Variants in COL28A1 observed in about 807,000 individuals in gnomAD.
The protein encoded by COL28A1 is collagen type XXVIII alpha 1 chain.
COL28A1 carries 161 observed loss-of-function variants against 150.2 expected under a neutral mutation model. The ratio of observed to expected loss-of-function variants is 1.07; its 90% CI spans 0.94 to 1.22. The LOEUF (loss-of-function observed/expected upper bound fraction) is 1.22. COL28A1 is among the 50% of genes most tolerant of loss of function. COL28A1 has a pLI of 0.00. For synonymous variants in COL28A1, 552 were observed against 469.7 expected (o/e 1.18, Z -2.26); for missense variants, 1,617 against 1,388.3 (o/e 1.16, Z -2.62).
rs79064057 is a variant in COL28A1 at position 7,381,400 on chromosome 7, C to T, written c.2205+144G>A. 1,236 of 644,776 alleles carry T rather than the reference C, an allele frequency of 1.9e-3. 10 individuals are homozygous for T. The highest frequency in any genetic ancestry group is 0.018 in the African/African-American group (977 of 54,650). The allele number at this position is 644,776 out of a possible 1,614,324, so 39.9% of individuals were successfully genotyped here. A position where few individuals can be genotyped will look rare whatever the true frequency, so the allele number is the denominator to read the frequency against. On this transcript the variant is annotated intron_variant, in intron 28 of 34. Coordinates refer to ENST00000399429, the MANE Select transcript of COL28A1 (RefSeq NM_001037763.3). Reference sequence around the variant, plus strand: ...ATTTATAGGTAGACAAAGCAATGCACGAGGATTTTATTTTGAGTGGATTGT... The same window carrying T: ...ATTTATAGGTAGACAAAGCAATGCATGAGGATTTTATTTTGAGTGGATTGT...
Position 7,436,474 on chromosome 7 carries a change from C to T in COL28A1, c.1792-11G>A, listed in dbSNP as rs765034405. The T allele has an allele frequency of 8.2e-7, 1 of 1,218,414 alleles. No individual in the cohort carries two copies. The highest frequency in any genetic ancestry group is 1.7e-5 in the Admixed American group (1 of 59,434). 75.5% of individuals were successfully genotyped at this position (1,218,414 alleles called of 1,614,324 possible). Reference sequence around the variant, plus strand: ...TCCTCCTCTATCTCCCTGTACATTTCAAATAACATTTCACAGGCTACAGTT... The same window carrying T: ...TCCTCCTCTATCTCCCTGTACATTTTAAATAACATTTCACAGGCTACAGTT... On this transcript the variant is annotated splice_polypyrimidine_tract_variant and intron_variant, in intron 22 of 34. Transcript: ENST00000399429.
At chr7:7,514,162 A>T (rs1314943042) in intron 8 of COL28A1, among the ~76,000 whole-genome samples, 1 of 149,916 alleles carries the variant, frequency 6.7e-6, no homozygotes, top group Non-Finnish European at 1.5e-5. Context: ...CTCACTATAT[A>T]AATCAAAATG....
chr7:7,373,084 T>TTA lies in COL28A1; in HGVS notation c.2821_2822insTA (p.Asn941IlefsTer10). ...CATTTCTTTGTGGAATATTTCAAAG[T>TTA]TGGGATCATTTTTCTTCACCACCCC... On this transcript the variant is annotated frameshift_variant, in exon 32 of 35. Coordinates refer to ENST00000399429, the MANE Select transcript of COL28A1 (RefSeq NM_001037763.3). LOFTEE classifies it high-confidence loss of function. This position sits in a 1 kb window ranked among gnomAD's most constrained non-coding sequence, Gnocchi z 4.1. 6.2e-7 allele frequency: 1 copy of TTA among 1,614,118 alleles called. No homozygotes were observed.
Position 7,358,760 on chromosome 7 carries a change from T to C in COL28A1, c.3251A>G (p.Tyr1084Cys). 1.2e-6 allele frequency: 2 copies of C among 1,613,978 alleles called. No homozygotes were observed. The highest frequency in any genetic ancestry group is 1.7e-6 in the Non-Finnish European group (2 of 1,179,932). The change falls in exon 35 of 35, where the codon TAT becomes TGT. Residue 1084 changes from tyrosine (Y) to cysteine (C), a missense_variant. Tyr to Cys is a radical substitution (Grantham distance 194). Coordinates refer to ENST00000399429, the MANE Select transcript of COL28A1 (RefSeq NM_001037763.3). ...TTTGTCATAATACCATCGAACCACA[T>C]ATTCACCACAGTTTCCAGGCTTCAA... Reference protein sequence around the residue: ...EALKPGNCGEYVVRWYYDKQV... With the variant: ...EALKPGNCGECVVRWYYDKQV...
intron 8 of COL28A1, among the ~76,000 whole-genome samples, chr7:7,514,773 C>T (rs912419846): frequency 6.6e-6 from 1 of 152,200 alleles, no homozygotes; most frequent in African/African-American, 2.4e-5. Flanking sequence ...ACCTCCAACT[C>T]CTTCCACAGC....
At chr7:7,528,138 T>C (rs1443371482) in intron 3 of COL28A1, among the ~76,000 whole-genome samples, 1 of 152,132 alleles carries the variant, frequency 6.6e-6, no homozygotes, top group Non-Finnish European at 1.5e-5. Flanking sequence ...TTAAAAATCG[T>C]TCAGAAAAAA....
Position 7,372,956 on chromosome 7 carries a change from C to A in COL28A1, c.2908+42G>T, listed in dbSNP as rs545691658. On this transcript the variant is annotated intron_variant, in intron 32 of 34. Transcript: ENST00000399429. ...ACCAGTGATATGGTACTTAGAGGAA[C>A]AACATAAATGCCTTTCCCCTGGGCC... The A allele has an allele frequency of 3.2e-6, 5 of 1,542,868 alleles. No homozygotes were observed. In the African/African-American group the frequency reaches 4.1e-5, roughly 13 times the overall value.
At chr7:7,465,130 G>A (rs559234684) in intron 15 of COL28A1, among the ~76,000 whole-genome samples, 3 of 150,804 alleles carry the variant, frequency 2.0e-5, no homozygotes, top group Non-Finnish European at 4.5e-5. Flanking sequence ...GAACAGCTCC[G>A]GTCTACAGCT....
intron 15 of COL28A1, among the ~76,000 whole-genome samples, chr7:7,471,204 T>C (rs1788398376): frequency 7.2e-6 from 1 of 138,754 alleles, no homozygotes; most frequent in Non-Finnish European, 1.6e-5. Flanking sequence ...AACAGACCAA[T>C]AACAAGCAGT....
intron 26 of COL28A1, among the ~76,000 whole-genome samples, chr7:7,419,681 C>T (rs909896848): frequency 6.6e-6 from 1 of 152,166 alleles, no homozygotes; most frequent in African/African-American, 2.4e-5. Context: ...TTGCTCATTT[C>T]TTTTGGGGGA....
chr7:7,387,629 G>A (rs1032619361), intron 27 of COL28A1, among the ~76,000 whole-genome samples: 6 of 151,756 alleles, frequency 4.0e-5, no homozygotes, highest in Non-Finnish European at 8.8e-5. Context: ...TAGCAAATGT[G>A]GTAATATTAA....
intron 33 of COL28A1, among the ~76,000 whole-genome samples, chr7:7,366,365 G>C (rs1380911230): frequency 6.6e-6 from 1 of 152,166 alleles, no homozygotes; most frequent in African/African-American, 2.4e-5. Context: ...TTGGAGTCAA[G>C]AGAATAGTCC....
intron 1 of COL28A1, among the ~76,000 whole-genome samples, chr7:7,534,806 A>G (rs1448689176): frequency 1.3e-5 from 2 of 152,070 alleles, no homozygotes; most frequent in Non-Finnish European, 2.9e-5. Flanking sequence ...CAATAATCCC[A>G]GTATCTCATA....
At chr7:7,527,414 A>C (rs994322455) in intron 3 of COL28A1, among the ~76,000 whole-genome samples, 7 of 152,250 alleles carry the variant, frequency 4.6e-5, no homozygotes, top group African/African-American at 1.7e-4. Flanking sequence ...ATGCTGTCCT[A>C]TATGTCAAAG....
Position 7,500,120 on chromosome 7 carries a change from G to A in COL28A1, c.1026+5894C>T, listed in dbSNP as rs565526748. 2.7e-4 allele frequency among the ~76,000 whole-genome samples: 41 copies of A among 152,210 alleles called. 1 individual carries two copies. In the South Asian group the frequency reaches 7.7e-3, roughly 28 times the overall value. On this transcript the variant is annotated intron_variant, in intron 11 of 34. Coordinates refer to ENST00000399429, the MANE Select transcript of COL28A1 (RefSeq NM_001037763.3). ...TGTTAGAAGAATGGTCAATGTTCCC[G>A]ACTGTTACATCCTTCTCTCTGGTTT...
rs1039220126 is a variant in COL28A1 at position 7,455,666 on chromosome 7, T to C, written c.1371+378A>G. On this transcript the variant is annotated intron_variant, in intron 16 of 34. Coordinates refer to ENST00000399429, the MANE Select transcript of COL28A1 (RefSeq NM_001037763.3). ...GGTAGGGGGATACCACTCTACTCCATTGGGAGAGAGTGGGATTTAATTTTC... is the reference window on the plus strand; with the variant it reads ...GGTAGGGGGATACCACTCTACTCCACTGGGAGAGAGTGGGATTTAATTTTC... 9.5e-4 allele frequency among the ~76,000 whole-genome samples: 145 copies of C among 152,242 alleles called. 1 individual carries two copies. Among genetic ancestry groups the C allele is most frequent in the African/African-American group, 3.2e-3 (134 of 41,536 alleles).
chr7:7,373,027 TA>T lies in COL28A1; in HGVS notation c.2878del (p.Tyr960ThrfsTer13). The T allele has an allele frequency of 6.2e-7, 1 of 1,614,056 alleles. No homozygotes were observed. Among genetic ancestry groups the T allele is most frequent in the African/African-American group, 1.3e-5 (1 of 75,032 alleles). ...CAGGGTAAAGAAATCATCAAACTGG[TA>T]AACATGCTCTGGGTCAGTAGCAATT... ...NLIATDPEHVYQFDDFFTLQD... is the reference protein window; with the variant it reads ...NLIATDPEHVXQFDDFFTLQD... On this transcript the variant is annotated frameshift_variant, in exon 32 of 35. Coordinates refer to ENST00000399429, the MANE Select transcript of COL28A1 (RefSeq NM_001037763.3). LOFTEE classifies it high-confidence loss of function. The surrounding 1 kb of genome is among the most constrained non-coding windows in gnomAD (Gnocchi z 4.1).
intron 18 of COL28A1, among the ~76,000 whole-genome samples, chr7:7,447,191 T>C (rs1441469221): frequency 6.6e-6 from 1 of 152,092 alleles, no homozygotes; most frequent in African/African-American, 2.4e-5. Flanking sequence ...GGTCAATCTG[T>C]TTTCAAGTAA....
Position 7,511,047 on chromosome 7 carries a change from A to T in COL28A1, c.927+44T>A, listed in dbSNP as rs369409549. 4 of 1,550,270 alleles carry T rather than the reference A, an allele frequency of 2.6e-6. No homozygotes were observed. In the East Asian group the frequency reaches 6.8e-5, roughly 26 times the overall value. On this transcript the variant is annotated intron_variant, in intron 9 of 34. Transcript: ENST00000399429. Reference sequence around the variant, plus strand: ...ATTTCCCCTTAAGGAAACGCAACCCAAAAGGGATCACAGCTGTAAGCAGTT... The same window carrying T: ...ATTTCCCCTTAAGGAAACGCAACCCTAAAGGGATCACAGCTGTAAGCAGTT...
Sources: gnomAD v4.1 joint callset for allele counts (sites outside exome capture counted in the v4.1 genomes callset) on GRCh38, gnomAD v4.1.1 for gene constraint, Gnocchi (gnomAD v3.1) non-coding constraint, MANE v1.5 for transcripts, NCBI Gene and HGNC (gene_info 2026-07-23, HGNC 2026-07-21) for gene names.